CARD8: variants seen among roughly 807,000 people sequenced by gnomAD.
CARD8 encodes caspase recruitment domain-containing protein 8.
In CARD8, 38 loss-of-function variants were observed where a neutral mutation model predicts 53.2. The observed-to-expected ratio is 0.71, with a 90% CI of 0.55 to 0.94. The LOEUF is 0.94. CARD8 is among the 40% of genes least tolerant of loss of function. CARD8 has a pLI of 0.00. For synonymous variants in CARD8, 245 were observed against 244.9 expected, an observed-to-expected ratio of 1.00 and a Z score of 0.00; for missense variants, 561 against 655.5, an observed-to-expected ratio of 0.86 and a Z score of 1.57.
rs533560960 is a variant in CARD8, at chr19:48,233,333, T to C, written c.351-840A>G. On this transcript the variant is annotated intron_variant, in intron 6 of 13. Coordinates refer to ENST00000651546, the MANE Select transcript of CARD8 (RefSeq NM_001184900.3). ...TGCCTTTGATCCATTCCTTGAGATA[T>C]CTGTTTATTTCGACGTGAAAGAGAC... 9.9e-5 allele frequency: 45 copies of C among 456,270 alleles called. 1 individual carries two copies. Among genetic ancestry groups the C allele is most frequent in the South Asian group, 6.8e-4 (44 of 64,570 alleles). 28.3% of individuals were successfully genotyped at this position (456,270 alleles called of 1,614,324 possible).
At chr19:48,234,665 A>G (rs2043547396) in intron 5 of CARD8, 122 bp from the exon 6 acceptor site, 1 of 847,596 alleles carries the variant, frequency 1.2e-6, no homozygotes, top group African/African-American at 1.7e-5. Flanking sequence ...TAGGGAAGTC[A>G]TTCCTCAGGC....
intron 1 of CARD8, among the ~76,000 whole-genome samples, chr19:48,252,806 T>TAC (rs1037433131): frequency 3.6e-4 from 25 of 70,004 alleles, no homozygotes; most frequent in South Asian, 5.9e-4. Context: ...CTTATCAGTA[T>TAC]ATACACACAC....
At chr19:48,242,801 G>A (rs986817326) in intron 3 of CARD8, among the ~76,000 whole-genome samples, 13 of 152,066 alleles carry the variant, frequency 8.5e-5, no homozygotes, top group South Asian at 2.1e-4. Context: ...TTTCCAAAGC[G>A]CCAATTTCCG....
chr19:48,233,528 C>T (rs987448038), intron 6 of CARD8: 1 of 383,728 alleles, frequency 2.6e-6, no homozygotes, highest in South Asian at 1.9e-5. Flanking sequence ...TGCGGCTACA[C>T]ATTTTGCTAT....
chr19:48,243,175 G>C (rs1307842902), intron 3 of CARD8, among the ~76,000 whole-genome samples: 1 of 152,214 alleles, frequency 6.6e-6, no homozygotes, highest in South Asian at 2.1e-4. Flanking sequence ...ATGACGCCTG[G>C]CTAATTTTTT....
intron 3 of CARD8, among the ~76,000 whole-genome samples, chr19:48,246,539 G>C (rs190735999): frequency 4.6e-5 from 7 of 151,932 alleles, no homozygotes; most frequent in Non-Finnish European, 1.5e-5. Flanking sequence ...TTTACTTCTC[G>C]ATAGATAGAC....
At chr19:48,213,060 AC>A (rs1224472916) in intron 13 of CARD8, 1 of 152,150 alleles carries the variant, frequency 6.6e-6, no homozygotes, top group Non-Finnish European at 1.5e-5. Context: ...ACATGGAGAA[AC>A]ATTCCTCCCT....
chr19:48,237,815 G>A (rs1432034314), intron 5 of CARD8, among the ~76,000 whole-genome samples: 1 of 151,542 alleles, frequency 6.6e-6, no homozygotes, highest in Non-Finnish European at 1.5e-5. Context: ...AAGAAAAAAA[G>A]TATTATCGTG....
chr19:48,225,572 G>T (rs1457672696), intron 10 of CARD8, among the ~76,000 whole-genome samples: 1 of 152,104 alleles, frequency 6.6e-6, no homozygotes, highest in African/African-American at 2.4e-5. Flanking sequence ...TTTAGGCAAA[G>T]ACTAGAAAGA....
At chr19:48,216,332 C>T (rs1177587408) in intron 12 of CARD8, among the ~76,000 whole-genome samples, 2 of 152,104 alleles carry the variant, frequency 1.3e-5, no homozygotes, top group Non-Finnish European at 1.5e-5. Context: ...ATGGGGAATC[C>T]GACATCTGCA....
At chr19:48,215,124 C>G in intron 13 of CARD8, 1 of 442,770 alleles carries the variant, frequency 2.3e-6, no homozygotes, top group East Asian at 3.9e-5. Flanking sequence ...ACTTTCTCTC[C>G]TGCTCTAAAA....
chr19:48,252,462 A>G (rs913342183), intron 1 of CARD8, among the ~76,000 whole-genome samples: 8 of 151,102 alleles, frequency 5.3e-5, no homozygotes, highest in African/African-American at 1.9e-4. Flanking sequence ...CAAATATGTA[A>G]GTAAAACATA....
At chr19:48,237,203 T>C (rs941318689) in intron 5 of CARD8, among the ~76,000 whole-genome samples, 2 of 152,002 alleles carry the variant, frequency 1.3e-5, no homozygotes, top group Non-Finnish European at 2.9e-5. Flanking sequence ...GCTTGGTTTC[T>C]GGGAGGCCTC....
At chr19:48,204,724 T>C (rs903873908), downstream of CARD8, among the ~76,000 whole-genome samples, 13 of 152,002 alleles carry the variant, frequency 8.6e-5, no homozygotes, top group African/African-American at 1.5e-4. Context: ...TGGGAGGCGA[T>C]TGGGAAGAAC....
intron 1 of CARD8, among the ~76,000 whole-genome samples, chr19:48,251,122 C>T (rs181002725): frequency 5.5e-4 from 84 of 152,194 alleles, no homozygotes; most frequent in African/African-American, 2.0e-3. Context: ...TATAGCATGT[C>T]GTATTAGCAA....
At chr19:48,232,548 G>C (rs1372399251) in intron 6 of CARD8, 55 bp from the exon 7 acceptor site, 28 of 1,410,328 alleles carry the variant, frequency 2.0e-5, no homozygotes, top group Non-Finnish European at 2.4e-5. Context: ...AGAATCAGTT[G>C]ATGAAGATGA....
At chr19:48,242,519 T>C (rs2045368763) in intron 3 of CARD8, 1 of 152,248 alleles carries the variant, frequency 6.6e-6, no homozygotes, top group South Asian at 2.1e-4. Flanking sequence ...GGTCCATCCA[T>C]ATTATACCGC....
rs752071016 is a variant in CARD8, at chr19:48,221,832, G to A, written c.1059C>T (p.Arg353=). 1.9e-6 allele frequency: 3 copies of A among 1,605,160 alleles called. No homozygotes were observed. Among genetic ancestry groups the A allele is most frequent in the African/African-American group, 1.3e-5 (1 of 74,784 alleles). ...AAGTCTGCAGGCGCACACCATGGAAGCGATCTTCCTCATCATCTATCGCCT... is the reference window on the plus strand; with the variant it reads ...AAGTCTGCAGGCGCACACCATGGAAACGATCTTCCTCATCATCTATCGCCT... ...LTKAIDDEED[R]FHGVRLQTSP... is the part of the protein sequence containing the mutation. Residue 353 remains arginine (R), a synonymous_variant, in exon 11 of 14, where the codon CGC becomes CGT. Coordinates refer to ENST00000651546, the MANE Select transcript of CARD8 (RefSeq NM_001184900.3).
rs2042769184 is a variant in CARD8, at chr19:48,230,997, G to C, written c.552C>G (p.Phe184Leu). Residue 184 changes from phenylalanine (F) to leucine (L), a missense_variant, in exon 9 of 14, where the codon TTC becomes TTG. Physicochemically the swap from Phe to Leu is conservative, Grantham distance 22 (BLOSUM62 0). Coordinates refer to ENST00000651546, the MANE Select transcript of CARD8 (RefSeq NM_001184900.3). ...DKSTNRYSVW[F>L]PTAGWYLWSA... is the part of the protein sequence containing the mutation. ...ACCACAGATACCAGCCAGCAGTGGG[G>C]AACCAAACGCTGAAAGGAGCCAGAG... is the stretch of plus-strand genomic sequence containing the variant. The C allele has an allele frequency of 6.2e-7, 1 of 1,613,590 alleles. No individual in the cohort carries two copies. The highest frequency in any genetic ancestry group is 1.3e-5 in the African/African-American group (1 of 74,904).
Sources: allele counts gnomAD v4.1 joint callset (sites outside exome capture counted in the v4.1 genomes callset), GRCh38; gene constraint gnomAD v4.1.1; transcripts MANE v1.5; gene names NCBI Gene and HGNC (gene_info 2026-07-23, HGNC 2026-07-21).